Variants in ATP2B2 observed in about 807,000 individuals in gnomAD.
The protein encoded by ATP2B2 is ATPase plasma membrane Ca2+ transporting 2.
Under a neutral mutation model 120.0 loss-of-function variants are expected in ATP2B2, and 15 were observed. The observed-to-expected ratio is 0.12, with a 90% CI of 0.08 to 0.19. The LOEUF is 0.19. Among genes scored for constraint, ATP2B2 ranks in the 10% least tolerant of loss-of-function variants. ATP2B2 has a pLI of 1.00. For synonymous variants in ATP2B2, 694 were observed against 700.3 expected (o/e 0.99, Z 0.14); for missense variants, 1,045 against 1,719.8 (o/e 0.61, Z 6.94).
rs567991766 is a variant in ATP2B2 at position 10,520,213 on chromosome 3, G to A, written c.-320+13826C>T. On this transcript the variant is annotated intron_variant, in intron 3 of 21. Transcript: ENST00000646379. The stretch of plus-strand genomic sequence containing the variant: ...TTAATGGCCAACCCTGATTTAATTA[G>A]CTTTTCCTTACAATGATTTAGGGAA... Among the ~76,000 whole-genome samples, 13 of 152,338 alleles carry A rather than the reference G, an allele frequency of 8.5e-5. No individual in the cohort carries two copies. The South Asian group carries it at 2.7e-3, about 32-fold the overall frequency.
intron 1 of ATP2B2, among the ~76,000 whole-genome samples, chr3:10,644,679 A>C (rs1266348840): frequency 1.3e-5 from 2 of 152,246 alleles, no homozygotes; most frequent in African/African-American, 4.8e-5. Context: ...TTTATATGCA[A>C]TGTCTAGAAT....
In ATP2B2 at chr3:10,342,646, G is replaced by A. The variant is rs1321650480; in HGVS notation, c.2917+106C>T. 2 of 1,384,452 alleles carry A rather than the reference G, an allele frequency of 1.4e-6. No homozygotes were observed. The highest frequency in any genetic ancestry group is 2.0e-6 in the Non-Finnish European group (2 of 992,458). 85.8% of individuals were successfully genotyped at this position (1,384,452 alleles called of 1,614,324 possible). On this transcript the variant is annotated intron_variant, in intron 19 of 22. Coordinates refer to ENST00000360273, the MANE Select transcript of ATP2B2 (RefSeq NM_001001331.4). This position sits in a 1 kb window ranked among gnomAD's most constrained non-coding sequence, Gnocchi z 4.4. Reference sequence around the variant, plus strand: ...TCCCTGGGCCTCAATTTCCCCATTAGCAAAACAGGAGGGGGTTGTGACTCG... The same window carrying A: ...TCCCTGGGCCTCAATTTCCCCATTAACAAAACAGGAGGGGGTTGTGACTCG...
At chr3:10,580,240 C>T (rs577987202) in intron 2 of ATP2B2, among the ~76,000 whole-genome samples, 12 of 152,244 alleles carry the variant, frequency 7.9e-5, no homozygotes, top group Admixed American at 4.6e-4. Flanking sequence ...CAATAGGAAA[C>T]GCGGAATACT....
At chr3:10,653,254 C>T (rs1377921739) in intron 1 of ATP2B2, among the ~76,000 whole-genome samples, 2 of 152,220 alleles carry the variant, frequency 1.3e-5, no homozygotes, top group Non-Finnish European at 2.9e-5. Flanking sequence ...CCAATGACCC[C>T]CCTTTGCTTA....
At chr3:10,365,153 T>G (rs921828222) in intron 12 of ATP2B2, among the ~76,000 whole-genome samples, 4 of 152,234 alleles carry the variant, frequency 2.6e-5, no homozygotes, top group Non-Finnish European at 5.9e-5. Context: ...GTCTGGGCCC[T>G]GAGCCCGCAG....
chr3:10,415,576 G>A (rs1016637570), intron 2 of ATP2B2, among the ~76,000 whole-genome samples: 5 of 152,192 alleles, frequency 3.3e-5, no homozygotes, highest in Non-Finnish European at 7.4e-5. Flanking sequence ...GGAACAGCTT[G>A]CCTGGTCCAG....
chr3:10,692,041 T>G (rs958036939), intron 1 of ATP2B2, among the ~76,000 whole-genome samples: 2 of 152,232 alleles, frequency 1.3e-5, no homozygotes, highest in Non-Finnish European at 2.9e-5. Flanking sequence ...ATTCCAACTT[T>G]ATTTTACTGG....
chr3:10,332,001 C>G (rs1343950963), intron 22 of ATP2B2: 1 of 1,550,508 alleles, frequency 6.4e-7, no homozygotes, highest in Non-Finnish European at 8.7e-7. Context: ...ATTTCACTCT[C>G]TCTTGCTGAA....
At chr3:10,459,847 C>A (rs2064413482) in intron 1 of ATP2B2, among the ~76,000 whole-genome samples, 1 of 152,252 alleles carries the variant, frequency 6.6e-6, no homozygotes, top group Non-Finnish European at 1.5e-5. Flanking sequence ...ACTGAGTGTG[C>A]AGTGATTGGT....
At chr3:10,436,530 T>C (rs936924568) in intron 2 of ATP2B2, among the ~76,000 whole-genome samples, 5 of 152,244 alleles carry the variant, frequency 3.3e-5, no homozygotes, top group African/African-American at 1.2e-4. Flanking sequence ...TCCTGAGCTA[T>C]ACAAGGACCA....
chr3:10,622,097 C>T (rs2069567876), intron 1 of ATP2B2, among the ~76,000 whole-genome samples: 1 of 152,164 alleles, frequency 6.6e-6, no homozygotes, highest in Admixed American at 6.5e-5. Context: ...CTGTCACGCC[C>T]AGCACCTTCC....
At chr3:10,356,446 A>T (rs77271531) in intron 14 of ATP2B2, among the ~76,000 whole-genome samples, 1 of 152,230 alleles carries the variant, frequency 6.6e-6, no homozygotes, top group African/African-American at 2.4e-5. Context: ...AACAGAAAAT[A>T]GGTAAGTGCA....
chr3:10,417,082 G>GGGGGGGGGGGGGGC (rs1559311231), intron 2 of ATP2B2, among the ~76,000 whole-genome samples: 1 of 128,144 alleles, frequency 7.8e-6, no homozygotes, highest in African/African-American at 3.4e-5. Context: ...GGGGGGGCGG[G>GGGGGGGGGGGGGGC]CAGAGGGGCT....
rs551897796 is a variant in ATP2B2, at chr3:10,326,874, T to C, written c.*1940A>G. The stretch of plus-strand genomic sequence containing the variant: ...TGGCTCTTTTCCCGAGTGGCTCTCA[T>C]CTTGTTTGTGGAAGAGTTCTCTGGG... On this transcript the variant is annotated 3_prime_UTR_variant, in exon 23 of 23. Coordinates refer to ENST00000360273, the MANE Select transcript of ATP2B2 (RefSeq NM_001001331.4). 15 of 398,870 alleles carry C rather than the reference T, an allele frequency of 3.8e-5. No individual in the cohort carries two copies. In the East Asian group the frequency reaches 5.3e-4, roughly 14 times the overall value. 24.7% of individuals were successfully genotyped at this position (398,870 alleles called of 1,614,324 possible). A position where few individuals can be genotyped will look rare whatever the true frequency, so the allele number is the denominator to read the frequency against.
At chr3:10,692,800 T>C (rs1014870025) in intron 1 of ATP2B2, among the ~76,000 whole-genome samples, 2 of 134,758 alleles carry the variant, frequency 1.5e-5, no homozygotes, top group Non-Finnish European at 3.0e-5. Flanking sequence ...CCAGGACATG[T>C]GGTGGGGGAC....
Position 10,603,298 on chromosome 3 carries a change from C to T in ATP2B2, c.-415+16619G>A, listed in dbSNP as rs979143125. Among the ~76,000 whole-genome samples the T allele has an allele frequency of 2.6e-5, 4 of 152,308 alleles. No homozygotes were observed. The East Asian group carries it at 7.7e-4, about 29-fold the overall frequency. ...GTGCCCGGTGTGTTTGGCAGATGCT[C>T]GATACACGTCAGTTCTCTAATAGAA... On this transcript the variant is annotated intron_variant, in intron 2 of 21. Coordinates refer to the ATP2B2 transcript ENST00000646379.
At chr3:10,368,831 C>A (rs2061144087) in intron 12 of ATP2B2, among the ~76,000 whole-genome samples, 1 of 152,204 alleles carries the variant, frequency 6.6e-6, no homozygotes, top group South Asian at 2.1e-4. Flanking sequence ...CTCATCCATC[C>A]ATCCCCCCTT....
intron 1 of ATP2B2, among the ~76,000 whole-genome samples, chr3:10,640,936 T>TCTGTCCACAGAGCCCCTTCAACATGGCC (rs1297191157): frequency 1.9e-4 from 29 of 152,332 alleles, no homozygotes; most frequent in African/African-American, 6.3e-4. Flanking sequence ...GCCACGTGGC[T>TCTGTCCACAGAGCCCCTTCAACATGGCC]CTGTCCTCAG....
At chr3:10,569,125 G>C (rs1369073142) in intron 2 of ATP2B2, among the ~76,000 whole-genome samples, 1 of 152,180 alleles carries the variant, frequency 6.6e-6, no homozygotes, top group Non-Finnish European at 1.5e-5. Context: ...ACACTCCAGG[G>C]AGTATCAGAG....
Sources: allele counts gnomAD v4.1 joint callset (sites outside exome capture counted in the v4.1 genomes callset), GRCh38; gene constraint gnomAD v4.1.1; non-coding constraint Gnocchi (gnomAD v3.1); transcripts MANE v1.5; gene names NCBI Gene and HGNC (gene_info 2026-07-23, HGNC 2026-07-21).